FGF12: variants seen among roughly 807,000 people sequenced by gnomAD.
FGF12 encodes fibroblast growth factor 12B.
FGF12 carries 14 observed loss-of-function variants against 23.6 expected under a neutral mutation model. The observed-to-expected ratio is 0.59, with a 90% CI of 0.39 to 0.93. The LOEUF (loss-of-function observed/expected upper bound fraction) is 0.93. Ranked by LOEUF, FGF12 falls within the 40% of genes least tolerant of loss-of-function variation. The pLI is 0.00. For synonymous variants in FGF12, 62 were observed against 77.3 expected, an observed-to-expected ratio of 0.80 and a Z score of 1.04; for missense variants, 175 against 217.8, an observed-to-expected ratio of 0.80 and a Z score of 1.24.
intron 4 of FGF12, among the ~76,000 whole-genome samples, chr3:192,231,848 A>G (rs1409376026): frequency 6.6e-6 from 1 of 152,198 alleles, no homozygotes; most frequent in African/African-American, 2.4e-5. Flanking sequence ...AACCTAATAG[A>G]AAACCATCGA....
At chr3:192,621,783 C>T (rs1714985928) in intron 2 of FGF12, among the ~76,000 whole-genome samples, 1 of 151,442 alleles carries the variant, frequency 6.6e-6, no homozygotes, top group Non-Finnish European at 1.5e-5. Flanking sequence ...GAAGGGGCCT[C>T]AAGAAATCTG....
chr3:192,239,035 C>T (rs183140791), intron 4 of FGF12, among the ~76,000 whole-genome samples: 165 of 152,266 alleles, frequency 1.1e-3, no homozygotes, highest in African/African-American at 3.8e-3. Context: ...ATTCCAATCC[C>T]ACAGAATGGG....
chr3:192,147,170 G>A (rs1026563601), intron 5 of FGF12, among the ~76,000 whole-genome samples: 3 of 152,118 alleles, frequency 2.0e-5, no homozygotes, highest in Admixed American at 6.6e-5. Flanking sequence ...ATACAAATAC[G>A]GAGAGCAAAA....
chr3:192,421,178 C>T (rs1371090630), intron 2 of FGF12, among the ~76,000 whole-genome samples: 1 of 152,036 alleles, frequency 6.6e-6, no homozygotes, highest in African/African-American at 2.4e-5. Flanking sequence ...TGTGTTCCAC[C>T]AGTAGGTGAG....
At chr3:192,272,415 T>A (rs1207675877) in intron 4 of FGF12, among the ~76,000 whole-genome samples, 1 of 152,168 alleles carries the variant, frequency 6.6e-6, no homozygotes, top group Non-Finnish European at 1.5e-5. Flanking sequence ...GATAAAAAAC[T>A]ACTTTAAAAC....
chr3:192,308,914 C>T (rs186977843), intron 4 of FGF12, among the ~76,000 whole-genome samples: 1 of 152,258 alleles, frequency 6.6e-6, no homozygotes. Flanking sequence ...AGTTCAAGGT[C>T]TGTACCCACT....
At chr3:192,576,816 T>A (rs973961898) in intron 2 of FGF12, among the ~76,000 whole-genome samples, 17 of 152,106 alleles carry the variant, frequency 1.1e-4, no homozygotes, top group Non-Finnish European at 1.9e-4. Context: ...CAAATGCCCA[T>A]CAGTGATAGA....
At chr3:192,703,960 C>T (rs1245875764) in intron 2 of FGF12, among the ~76,000 whole-genome samples, 1 of 152,174 alleles carries the variant, frequency 6.6e-6, no homozygotes, top group Non-Finnish European at 1.5e-5. Context: ...TTGTCTTTGC[C>T]TCCCAAAGCA....
chr3:192,495,373 T>C (rs906528058), intron 2 of FGF12, among the ~76,000 whole-genome samples: 5 of 152,216 alleles, frequency 3.3e-5, no homozygotes, highest in African/African-American at 1.2e-4. Flanking sequence ...AGAATATGAA[T>C]GTTTTTTCCC....
rs761713533 is a variant in FGF12, at chr3:192,146,268, G to GTA, written c.428-2143_428-2142dup. Among the ~76,000 whole-genome samples, 15 of 66,540 alleles carry GTA rather than the reference G, an allele frequency of 2.3e-4. 3 individuals carry two copies. Among genetic ancestry groups the GTA allele is most frequent in the Non-Finnish European group, 3.0e-4 (7 of 23,678 alleles). The allele number at this position is 66,540 out of a possible 152,430, so 43.7% of individuals were successfully genotyped here. A position where few individuals can be genotyped will look rare whatever the true frequency, so the allele number is the denominator to read the frequency against. ...TAAATTTTCTAATTTTCATTAAAGT[G>GTA]TATATTTTTTTTTTTTTTTTGAGAC... is the stretch of plus-strand genomic sequence containing the variant. On this transcript the variant is annotated intron_variant, in intron 5 of 5. Coordinates refer to ENST00000445105, the MANE Select transcript of FGF12 (RefSeq NM_004113.6).
Position 192,408,976 on chromosome 3 carries a change from G to A in FGF12, c.14-48438C>T, listed in dbSNP as rs1721085989. 1.0e-6 allele frequency: 1 copy of A among 984,350 alleles called. No individual in the cohort carries two copies. Among genetic ancestry groups the A allele is most frequent in the Non-Finnish European group, 1.2e-6 (1 of 829,638 alleles). The allele number at this position is 984,350 out of a possible 1,614,324, so 61.0% of individuals were successfully genotyped here. A position where few individuals can be genotyped will look rare whatever the true frequency, so the allele number is the denominator to read the frequency against. Reference sequence around the variant, plus strand: ...GGCGCGAAGTGGGAGCGGTTACCCGGAGTCTGGGTAGGGGCGCGGGGCGGG... The same window carrying A: ...GGCGCGAAGTGGGAGCGGTTACCCGAAGTCTGGGTAGGGGCGCGGGGCGGG... On this transcript the variant is annotated intron_variant, in intron 2 of 5. Coordinates refer to ENST00000445105, the MANE Select transcript of FGF12 (RefSeq NM_004113.6). The surrounding 1 kb of genome is among the most constrained non-coding windows in gnomAD (Gnocchi z 7.3).
intron 4 of FGF12, among the ~76,000 whole-genome samples, chr3:192,220,399 T>A (rs1358836533): frequency 6.6e-6 from 1 of 152,214 alleles, no homozygotes; most frequent in Admixed American, 6.5e-5. Flanking sequence ...TTTAACTTTA[T>A]GTTTCAACTT....
intron 4 of FGF12, among the ~76,000 whole-genome samples, chr3:192,290,041 T>A (rs1225135129): frequency 6.6e-6 from 1 of 152,120 alleles, no homozygotes; most frequent in Non-Finnish European, 1.5e-5. Flanking sequence ...TAATATCTCC[T>A]CTTGGCTGGG....
At chr3:192,536,668 T>C (rs1725231633) in intron 2 of FGF12, among the ~76,000 whole-genome samples, 1 of 152,130 alleles carries the variant, frequency 6.6e-6, no homozygotes, top group Non-Finnish European at 1.5e-5. Flanking sequence ...TTTTAACTTT[T>C]AGTTTTTGTG....
chr3:192,352,553 A>C (rs11924254), intron 3 of FGF12, among the ~76,000 whole-genome samples: 49,115 of 152,118 alleles, frequency 0.32, 10,351 homozygotes, highest in East Asian at 0.61. Flanking sequence ...TCTTCCATAT[A>C]ATAATAGCTG....
intron 2 of FGF12, among the ~76,000 whole-genome samples, chr3:192,394,490 A>C (rs1720436305): frequency 6.6e-6 from 1 of 152,212 alleles, no homozygotes; most frequent in Admixed American, 6.5e-5. Flanking sequence ...GATATCTTGG[A>C]ATACATACAC....
At position 192,139,617 on chromosome 3, in the gene FGF12, A is replaced by G. The variant is rs1713254081; in HGVS notation, c.*4392T>C. 6.6e-6 allele frequency: 1 copy of G among 152,140 alleles called. No homozygotes were observed. Among genetic ancestry groups the G allele is most frequent in the Non-Finnish European group, 1.5e-5 (1 of 67,972 alleles). The allele number at this position is 152,140 out of a possible 1,614,324, so 9.4% of individuals were successfully genotyped here. A position where few individuals can be genotyped will look rare whatever the true frequency, so the allele number is the denominator to read the frequency against. On this transcript the variant is annotated 3_prime_UTR_variant, in exon 6 of 6. Coordinates refer to ENST00000445105, the MANE Select transcript of FGF12 (RefSeq NM_004113.6). ...TTAAATTGTACTTGGAGCAAAGACA[A>G]AGAAACATCAGCTCATTCTTTCCAA...
chr3:192,181,364 G>GACACACACACACAC (rs200578658), intron 4 of FGF12, among the ~76,000 whole-genome samples: 2 of 142,768 alleles, frequency 1.4e-5, no homozygotes, highest in East Asian at 2.0e-4. Flanking sequence ...CACACACACA[G>GACACACACACACAC]ACACACACAC....
At chr3:192,403,655 C>T (rs1720850154) in intron 2 of FGF12, among the ~76,000 whole-genome samples, 1 of 151,626 alleles carries the variant, frequency 6.6e-6, no homozygotes, top group South Asian at 2.1e-4. Flanking sequence ...CAAAGTACTT[C>T]CTATAAATGT....
Sources: gnomAD v4.1 joint callset for allele counts (sites outside exome capture counted in the v4.1 genomes callset) on GRCh38, gnomAD v4.1.1 for gene constraint, Gnocchi (gnomAD v3.1) non-coding constraint, MANE v1.5 for transcripts, NCBI Gene and HGNC (gene_info 2026-07-23, HGNC 2026-07-21) for gene names.